Variants in CARF observed in about 807,000 individuals in gnomAD.
The protein encoded by CARF is calcium-responsive transcription factor.
CARF carries 57 observed loss-of-function variants against 82.0 expected under a neutral mutation model. The ratio of observed to expected loss-of-function variants is 0.70; its 90% CI spans 0.56 to 0.87. CARF has a LOEUF of 0.87. Ranked by LOEUF, CARF falls within the 40% of genes least tolerant of loss-of-function variation. CARF has a pLI of 0.00. For missense variants in CARF, 771 were observed against 855.8 expected (o/e 0.90, Z 1.24); for synonymous variants, 268 against 290.1 (o/e 0.92, Z 0.77).
chr2:202,942,983 A>G lies in CARF; in HGVS notation c.306+16A>G, dbSNP rs367676155. On this transcript the variant is annotated intron_variant, in intron 5 of 16. Coordinates refer to ENST00000438828, the MANE Select transcript of CARF (RefSeq NM_024744.17). ...TGCACAAATGGTGAGTATATTTTAT[A>G]AGTAACCAGTTTTATGCCGTTTAGC... 2.4e-5 allele frequency: 38 copies of G among 1,601,396 alleles called. No homozygotes were observed. The African/African-American group carries it at 4.7e-4, about 20-fold the overall frequency.
intron 10 of CARF, among the ~76,000 whole-genome samples, chr2:202,967,899 G>GT (rs1381775587): frequency 6.6e-6 from 1 of 152,092 alleles, no homozygotes; most frequent in African/African-American, 2.4e-5. Context: ...ATTGCTCTTG[G>GT]TAAGAATGAA....
chr2:202,949,521 TATTA>T (rs2058662399), intron 5 of CARF, among the ~76,000 whole-genome samples: 1 of 65,526 alleles, frequency 1.5e-5, no homozygotes, highest in Non-Finnish European at 2.8e-5. Flanking sequence ...ATTTATTTAT[TATTA>T]TTATTATTAT....
intron 8 of CARF, among the ~76,000 whole-genome samples, chr2:202,956,785 T>C (rs1453752760): frequency 6.6e-6 from 1 of 152,042 alleles, no homozygotes; most frequent in Non-Finnish European, 1.5e-5. Context: ...GTCACCAGAT[T>C]CTTTTTCTTT....
chr2:202,937,129 C>T (rs557962470), intron 3 of CARF, among the ~76,000 whole-genome samples: 1 of 152,068 alleles, frequency 6.6e-6, no homozygotes, highest in African/African-American at 2.4e-5. Flanking sequence ...TCTGGACTCT[C>T]GATTCTGTTG....
At chr2:202,945,167 C>A (rs2058435050) in intron 5 of CARF, among the ~76,000 whole-genome samples, 2 of 152,072 alleles carry the variant, frequency 1.3e-5, no homozygotes, top group African/African-American at 4.8e-5. Context: ...TTTTTTAGAG[C>A]AACTTTAGGT....
chr2:202,973,497 A>G (rs778281377), intron 12 of CARF: 2 of 432,190 alleles, frequency 4.6e-6, no homozygotes, highest in South Asian at 3.4e-5. Context: ...CATATTTCAT[A>G]TAATATTAAT....
chr2:202,931,772 A>G (rs1692980258), intron 3 of CARF, among the ~76,000 whole-genome samples: 1 of 147,406 alleles, frequency 6.8e-6, no homozygotes, highest in South Asian at 2.1e-4. Flanking sequence ...AACGTCACCA[A>G]TAACTGGGTG....
At chr2:202,980,324 G>A (rs2060196558) in intron 14 of CARF, among the ~76,000 whole-genome samples, 1 of 151,948 alleles carries the variant, frequency 6.6e-6, no homozygotes, top group South Asian at 2.1e-4. Flanking sequence ...AATTACATGA[G>A]AATGATTCAA....
At chr2:202,950,253 CAT>C (rs1371955989) in intron 5 of CARF, among the ~76,000 whole-genome samples, 1 of 152,160 alleles carries the variant, frequency 6.6e-6, no homozygotes, top group South Asian at 2.1e-4. Flanking sequence ...GCTTGGGAAA[CAT>C]AGTTTCAAAA....
chr2:202,942,373 C>CA (rs1326248150), intron 4 of CARF: 801 of 106,234 alleles, frequency 7.5e-3, no homozygotes, highest in Middle Eastern at 0.031. Context: ...GACTCCGTCT[C>CA]AAAAAAAAAA....
At chr2:202,969,885 T>C in intron 10 of CARF, 34 bp from the exon 11 acceptor site, 1 of 1,314,932 alleles carries the variant, frequency 7.6e-7, no homozygotes, top group African/African-American at 1.5e-5. Context: ...GATTATAATA[T>C]AATGAAACAA....
intron 3 of CARF, among the ~76,000 whole-genome samples, chr2:202,932,971 G>T (rs565387329): frequency 2.8e-4 from 42 of 152,278 alleles, no homozygotes; most frequent in Middle Eastern, 3.4e-3. Flanking sequence ...TGCTGCTTCA[G>T]CTTAAGCCTG....
rs71425974 is a variant in CARF, at chr2:202,913,400, A to G, written c.-330+298A>G. Among the ~76,000 whole-genome samples, 10 of 152,314 alleles carry G rather than the reference A, an allele frequency of 6.6e-5. No individual in the cohort carries two copies. The East Asian group carries it at 1.7e-3, about 26-fold the overall frequency. ...TTTTTGTGCCACACTTTTATCAACTATAAGAATTAACTGCGGCATCGGAAG... is the reference window on the plus strand; with the variant it reads ...TTTTTGTGCCACACTTTTATCAACTGTAAGAATTAACTGCGGCATCGGAAG... On this transcript the variant is annotated intron_variant, in intron 1 of 16. Transcript: ENST00000438828.
At position 202,943,848 on chromosome 2, in the gene CARF, A is replaced by G. The variant is rs549135879; in HGVS notation, c.306+881A>G. Among the ~76,000 whole-genome samples the G allele has an allele frequency of 1.4e-4, 21 of 152,150 alleles. No homozygotes were observed. In the South Asian group the frequency reaches 3.9e-3, roughly 29 times the overall value. ...TTTTTAGTAGAGACAGGGTTTCACC[A>G]TGTTGGCCAGGCTTGTCTTGAACTC... On this transcript the variant is annotated intron_variant, in intron 5 of 16. Transcript: ENST00000438828.
At chr2:202,946,063 G>A (rs2058481997) in intron 5 of CARF, among the ~76,000 whole-genome samples, 1 of 151,930 alleles carries the variant, frequency 6.6e-6, no homozygotes, top group Non-Finnish European at 1.5e-5. Context: ...CTAATGATTA[G>A]TTATATTGAG....
intron 13 of CARF, among the ~76,000 whole-genome samples, chr2:202,976,863 T>C (rs903990782): frequency 1.3e-5 from 2 of 151,536 alleles, no homozygotes; most frequent in African/African-American, 4.8e-5. Context: ...GCACCAGCCA[T>C]TACACCCAGC....
rs751695365 is a variant in CARF, at chr2:202,951,186, A to G, written c.307-1373A>G. Among the ~76,000 whole-genome samples, 6 of 151,984 alleles carry G rather than the reference A, an allele frequency of 3.9e-5. No homozygotes were observed. In the South Asian group the frequency reaches 6.2e-4, roughly 16 times the overall value. ...CTGAACCCCCAGAGTAGCTGGTACTACAGGCACATGCCATCACACTCAGCT... is the reference window on the plus strand; with the variant it reads ...CTGAACCCCCAGAGTAGCTGGTACTGCAGGCACATGCCATCACACTCAGCT... On this transcript the variant is annotated intron_variant, in intron 5 of 16. Transcript: ENST00000438828.
intron 8 of CARF, among the ~76,000 whole-genome samples, chr2:202,960,848 C>T (rs1442109019): frequency 6.6e-6 from 1 of 150,408 alleles, no homozygotes; most frequent in African/African-American, 2.4e-5. Flanking sequence ...CAAAAAAAAT[C>T]AGTTTCAGTA....
Position 202,971,505 on chromosome 2 carries a change from G to A in CARF, c.1098G>A (p.Arg366=). 1.9e-6 allele frequency: 3 copies of A among 1,551,046 alleles called. No individual in the cohort carries two copies. Among genetic ancestry groups the A allele is most frequent in the Admixed American group, 1.7e-5 (1 of 58,342 alleles). ...KNLVDAGGVL[R]WYVQLPTQQA... ...AATTTTAAATATTTTCTCTTACCAGGTGGTATGTACAGTTACCTACACAGC... is the reference window on the plus strand; with the variant it reads ...AATTTTAAATATTTTCTCTTACCAGATGGTATGTACAGTTACCTACACAGC... The change falls in exon 12 of 17, where the codon AGG becomes AGA. Residue 366 remains arginine (R), a splice_region_variant and synonymous_variant. Transcript: ENST00000438828.
Sources: gnomAD v4.1 joint callset for allele counts (sites outside exome capture counted in the v4.1 genomes callset) on GRCh38, gnomAD v4.1.1 for gene constraint, MANE v1.5 for transcripts, NCBI Gene and HGNC (gene_info 2026-07-23, HGNC 2026-07-21) for gene names.